CDYL: variants seen among roughly 807,000 people sequenced by gnomAD.
CDYL encodes chromodomain Y like, also known as chromodomain Y-like protein.
Under a neutral mutation model 47.3 loss-of-function variants are expected in CDYL, and 8 were observed. The ratio of observed to expected loss-of-function variants is 0.17; its 90% confidence interval spans 0.10 to 0.31. CDYL has a LOEUF of 0.31. Among genes scored for constraint, CDYL ranks in the 10% least tolerant of loss-of-function variants. The pLI is 1.00. For missense variants in CDYL, 471 were observed against 701.4 expected (o/e 0.67, Z 3.71); for synonymous variants, 266 against 265.0 (o/e 1.00, Z -0.04).
At chr6:4,920,653 C>G (rs185732186) in intron 2 of CDYL, among the ~76,000 whole-genome samples, 1 of 152,206 alleles carries the variant, frequency 6.6e-6, no homozygotes, top group Non-Finnish European at 1.5e-5. Context: ...GAGTCTCGCT[C>G]TGTCGCCCAG....
chr6:4,731,149 AC>A (rs1461363664), intron 2 of CDYL, among the ~76,000 whole-genome samples: 1 of 152,150 alleles, frequency 6.6e-6, no homozygotes, highest in Admixed American at 6.6e-5. Context: ...GGAACGTTAC[AC>A]TTCTGGTAAT....
chr6:4,746,124 G>A (rs1451878984), intron 3 of CDYL, among the ~76,000 whole-genome samples: 28 of 151,932 alleles, frequency 1.8e-4, no homozygotes, highest in Admixed American at 1.8e-3. Flanking sequence ...CCAGCACTTT[G>A]GGAGGCTGAG....
Position 4,819,498 on chromosome 6 carries a change from A to G in CDYL, c.24+42691A>G, listed in dbSNP as rs142610222. Among the ~76,000 whole-genome samples the G allele has an allele frequency of 4.8e-3, 733 of 152,060 alleles. 4 individuals carry two copies. The highest frequency in any genetic ancestry group is 7.4e-3 in the Non-Finnish European group (505 of 68,008). ...TCTGGTCTGTTGACAACCTTCATGT[A>G]TTGGGAACTTGCTGTTTTTGGGGTC... is the stretch of plus-strand genomic sequence containing the variant. On this transcript the variant is annotated intron_variant, in intron 1 of 6. Transcript: ENST00000397588.
chr6:4,929,337 T>C lies in CDYL; in HGVS notation c.692-6178T>C, dbSNP rs140360193. Among the ~76,000 whole-genome samples the C allele has an allele frequency of 1.4e-3, 214 of 152,322 alleles. 1 individual carries two copies. Among genetic ancestry groups the C allele is most frequent in the African/African-American group, 4.9e-3 (204 of 41,576 alleles). On this transcript the variant is annotated intron_variant, in intron 2 of 6. Coordinates refer to ENST00000397588, the MANE Select transcript of CDYL (RefSeq NM_004824.4). ...ATCTGTTATTCTATCTGTAATCTTT[T>C]TGTTCTCATGTTATCAGCAGATGAT...
chr6:4,737,078 G>T (rs1757716489), intron 3 of CDYL, among the ~76,000 whole-genome samples: 1 of 152,106 alleles, frequency 6.6e-6, no homozygotes, highest in South Asian at 2.1e-4. Flanking sequence ...GAGAGGAAAA[G>T]AAGGGAATGT....
rs549891808 is a variant in CDYL, at chr6:4,913,612, T to C, written c.691+21233T>C. Among the ~76,000 whole-genome samples, 3 of 152,380 alleles carry C rather than the reference T, an allele frequency of 2.0e-5. No individual in the cohort carries two copies. The South Asian group carries it at 6.2e-4, about 32-fold the overall frequency. On this transcript the variant is annotated intron_variant, in intron 2 of 6. Coordinates refer to ENST00000397588, the MANE Select transcript of CDYL (RefSeq NM_004824.4). ...CCTTGGCTTTAAAATACTTCCACCT[T>C]CTTCCGGCCTTCCAGGGAACTCTCT... is the stretch of plus-strand genomic sequence containing the variant.
At chr6:4,946,671 C>T (rs981762659) in intron 5 of CDYL, among the ~76,000 whole-genome samples, 10 of 151,948 alleles carry the variant, frequency 6.6e-5, no homozygotes, top group African/African-American at 1.2e-4. Context: ...CCTGACCTTG[C>T]GCCTGTGGGG....
chr6:4,775,814 G>C (rs1758423344), upstream of CDYL, among the ~76,000 whole-genome samples: 1 of 150,272 alleles, frequency 6.7e-6, no homozygotes. The surrounding 1 kb of genome is among the most constrained non-coding windows in gnomAD (Gnocchi z 7.0). Flanking sequence ...CCACGCCGCC[G>C]GCCCTTCGCG....
intron 5 of CDYL, among the ~76,000 whole-genome samples, chr6:4,947,283 C>T (rs930015814): frequency 2.6e-5 from 4 of 152,166 alleles, no homozygotes; most frequent in African/African-American, 9.7e-5. Flanking sequence ...GGGCCATGTC[C>T]GTAGGCTCGG....
At chr6:4,934,908 G>A (rs1006055528) in intron 2 of CDYL, among the ~76,000 whole-genome samples, 2 of 152,164 alleles carry the variant, frequency 1.3e-5, no homozygotes, top group Admixed American at 1.3e-4. Context: ...GCTTAACAGG[G>A]CTGTTTGAAA....
chr6:4,818,474 C>G (rs1471069111), intron 1 of CDYL, among the ~76,000 whole-genome samples: 4 of 152,070 alleles, frequency 2.6e-5, no homozygotes, highest in Admixed American at 2.6e-4. Context: ...AGTCTTTGCC[C>G]TTAGTTGATT....
At chr6:4,944,819 G>A (rs1039163831) in intron 5 of CDYL, among the ~76,000 whole-genome samples, 4 of 152,230 alleles carry the variant, frequency 2.6e-5, no homozygotes, top group Non-Finnish European at 5.9e-5. Flanking sequence ...TAACTTTACA[G>A]TAAAGAAACC....
intron 1 of CDYL, among the ~76,000 whole-genome samples, chr6:4,707,085 G>A (rs1582262922): frequency 6.6e-6 from 1 of 152,128 alleles, no homozygotes; most frequent in Non-Finnish European, 1.5e-5. Context: ...AGGAAAAGAT[G>A]CATTCCATGA....
At chr6:4,759,912 A>T (rs1758145806) in intron 3 of CDYL, among the ~76,000 whole-genome samples, 1 of 128,442 alleles carries the variant, frequency 7.8e-6, no homozygotes, top group African/African-American at 3.0e-5. Flanking sequence ...AAAAAAAAAA[A>T]AAAAAAAAAA....
At chr6:4,713,728 C>A (rs1757200750) in intron 1 of CDYL, among the ~76,000 whole-genome samples, 1 of 151,976 alleles carries the variant, frequency 6.6e-6, no homozygotes, top group African/African-American at 2.4e-5. Flanking sequence ...GCTGGGATTA[C>A]AGGCATGGGC....
chr6:4,764,434 C>T (rs550410293), intron 3 of CDYL, among the ~76,000 whole-genome samples: 5 of 152,016 alleles, frequency 3.3e-5, no homozygotes, highest in Non-Finnish European at 7.4e-5. Flanking sequence ...GGATTACAGG[C>T]GCACACCCCC....
chr6:4,923,742 T>TA (rs1561710981), intron 2 of CDYL, among the ~76,000 whole-genome samples: 2 of 151,256 alleles, frequency 1.3e-5, no homozygotes, highest in Non-Finnish European at 3.0e-5. Flanking sequence ...TAAAAAATAT[T>TA]TAAAAAAAAT....
At chr6:4,772,439 C>A (rs1311597803), upstream of CDYL, among the ~76,000 whole-genome samples, 3 of 152,150 alleles carry the variant, frequency 2.0e-5, no homozygotes, top group African/African-American at 7.2e-5. Flanking sequence ...ATTGGTTGAC[C>A]AGAAAAAGGT....
At chr6:4,889,875 G>T (rs1316594598) in intron 1 of CDYL, 3 of 692,744 alleles carry the variant, frequency 4.3e-6, no homozygotes, top group Non-Finnish European at 5.3e-6. Context: ...AGCTGCGGAG[G>T]CTACTGTTGC....
Sources: allele counts gnomAD v4.1 joint callset (sites outside exome capture counted in the v4.1 genomes callset), GRCh38; gene constraint gnomAD v4.1.1; non-coding constraint Gnocchi (gnomAD v3.1); transcripts MANE v1.5; gene names NCBI Gene and HGNC (gene_info 2026-07-23, HGNC 2026-07-21).